The following SDK1 variants were observed in gnomAD, a reference collection of about 807,000 sequenced individuals.
The protein encoded by SDK1 is protein sidekick-1.
A neutral mutation model predicts 245.5 loss-of-function variants in SDK1; 157 were observed. The ratio of observed to expected loss-of-function variants is 0.64; its 90% CI spans 0.56 to 0.73. SDK1 has a LOEUF of 0.73. Among genes scored for constraint, SDK1 ranks in the 30% least tolerant of loss-of-function variants. SDK1 has a pLI of 0.00. For synonymous variants in SDK1, 1,647 were observed against 1,278.5 expected (o/e 1.29, Z -6.15); for missense variants, 3,583 against 3,002.3 (o/e 1.19, Z -4.52).
At chr7:3,898,004 C>T (rs1335180301) in intron 5 of SDK1, among the ~76,000 whole-genome samples, 2 of 152,036 alleles carry the variant, frequency 1.3e-5, no homozygotes, top group Non-Finnish European at 2.9e-5. Flanking sequence ...GCACAGTACA[C>T]TGACCCAGGA....
At chr7:3,478,201 C>T (rs1032533313) in intron 1 of SDK1, among the ~76,000 whole-genome samples, 4 of 152,004 alleles carry the variant, frequency 2.6e-5, no homozygotes, top group Non-Finnish European at 4.4e-5. Flanking sequence ...GCCATTACCT[C>T]CCCTTTATTC....
At chr7:3,699,395 G>C (rs557538051) in intron 4 of SDK1, among the ~76,000 whole-genome samples, 1 of 152,138 alleles carries the variant, frequency 6.6e-6, no homozygotes, top group South Asian at 2.1e-4. Flanking sequence ...AGAAAAAAGA[G>C]GCCATTTCAT....
chr7:3,376,278 T>A (rs546220455), intron 1 of SDK1, among the ~76,000 whole-genome samples: 1 of 152,158 alleles, frequency 6.6e-6, no homozygotes, highest in Admixed American at 6.5e-5. Context: ...GCCTGAAAAA[T>A]TTTAAACTTT....
chr7:3,428,598 G>C (rs919392844), intron 1 of SDK1, among the ~76,000 whole-genome samples: 1 of 152,142 alleles, frequency 6.6e-6, no homozygotes, highest in Admixed American at 6.5e-5. Context: ...AAAATTATTA[G>C]CATGTGTATT....
intron 1 of SDK1, among the ~76,000 whole-genome samples, chr7:3,457,924 T>A (rs1233253545): frequency 6.6e-6 from 1 of 152,238 alleles, no homozygotes; most frequent in Non-Finnish European, 1.5e-5. Flanking sequence ...ACACTTTTGA[T>A]CTTTGGAAAT....
At chr7:3,935,059 C>G (rs561418846) in intron 5 of SDK1, among the ~76,000 whole-genome samples, 11 of 152,196 alleles carry the variant, frequency 7.2e-5, no homozygotes, top group Non-Finnish European at 1.6e-4. Context: ...GTCTGTCTGC[C>G]TCACCTTTGT....
rs1583253219 is a variant in SDK1, at chr7:3,635,565, C to A, written c.459-3439C>A. Among the ~76,000 whole-genome samples the A allele has an allele frequency of 2.0e-5, 3 of 152,266 alleles. No homozygotes were observed. In the South Asian group the frequency reaches 6.2e-4, roughly 32 times the overall value. The stretch of plus-strand genomic sequence containing the variant: ...CTTTTACTCGATTTTGAAAAAGTTT[C>A]TCTGGTTATACTTTGTAAAAGGAAA... On this transcript the variant is annotated intron_variant, in intron 2 of 44. Coordinates refer to ENST00000404826, the MANE Select transcript of SDK1 (RefSeq NM_152744.4).
chr7:3,402,088 T>C (rs575508056), intron 1 of SDK1, among the ~76,000 whole-genome samples: 1 of 152,298 alleles, frequency 6.6e-6, no homozygotes, highest in South Asian at 2.1e-4. Flanking sequence ...GAGGTTTAGC[T>C]TTTATGTGAC....
intron 8 of SDK1, among the ~76,000 whole-genome samples, chr7:3,959,258 C>T (rs1428510265): frequency 6.6e-6 from 1 of 151,966 alleles, no homozygotes; most frequent in Non-Finnish European, 1.5e-5. Flanking sequence ...AAAAGGAAGC[C>T]CACATCTACC....
intron 4 of SDK1, among the ~76,000 whole-genome samples, chr7:3,695,868 T>C (rs1194111843): frequency 1.3e-5 from 2 of 152,224 alleles, no homozygotes; most frequent in South Asian, 2.1e-4. Flanking sequence ...AATTACCTTA[T>C]TTCATTCTGC....
chr7:4,002,532 G>T (rs1785148478), intron 14 of SDK1, among the ~76,000 whole-genome samples: 1 of 149,466 alleles, frequency 6.7e-6, no homozygotes, highest in African/African-American at 2.5e-5. Flanking sequence ...CAATGAGAAT[G>T]GTTTAAAAAA....
At chr7:3,621,843 A>G (rs1359710955) in intron 2 of SDK1, among the ~76,000 whole-genome samples, 1 of 152,216 alleles carries the variant, frequency 6.6e-6, no homozygotes, top group East Asian at 1.9e-4. Context: ...TATTATTTGC[A>G]AATCGTTGAA....
intron 44 of SDK1, among the ~76,000 whole-genome samples, chr7:4,255,030 A>G (rs1205312821): frequency 6.6e-6 from 1 of 152,152 alleles, no homozygotes; most frequent in East Asian, 1.9e-4. Context: ...ATTGCTCCTC[A>G]CTTTCTGATC....
chr7:4,159,683 C>T (rs1208607943), intron 31 of SDK1, among the ~76,000 whole-genome samples: 2 of 152,126 alleles, frequency 1.3e-5, no homozygotes, highest in Non-Finnish European at 2.9e-5. Flanking sequence ...CCGGGCTGAG[C>T]CCCAGGAGCT....
At chr7:4,162,366 G>A (rs60223299) in intron 32 of SDK1, among the ~76,000 whole-genome samples, 1,221 of 108,798 alleles carry the variant, frequency 0.011, 15 homozygotes, top group African/African-American at 0.041. Flanking sequence ...GGTTGTTGTT[G>A]TTGTTATTAT....
Position 4,129,978 on chromosome 7 carries a change from C to A in SDK1, c.4010C>A (p.Ser1337Ter). The A allele has an allele frequency of 6.2e-7, 1 of 1,613,794 alleles. No individual in the cohort carries two copies. The highest frequency in any genetic ancestry group is 8.5e-7 in the Non-Finnish European group (1 of 1,179,984). ...SHIVRGNHTQ[S>*]ALLAGLRKFV... is the part of the protein sequence containing the mutation. ...ATCGTGCGAGGGAACCACACGCAGT[C>A]GGCCCTGCTGGCAGGCCTGCGCAAG... The change falls in exon 27 of 45, where the codon TCG becomes TAG. Residue 1337 changes from serine (S) to a stop codon, truncating the protein, a stop_gained. Coordinates refer to ENST00000404826, the MANE Select transcript of SDK1 (RefSeq NM_152744.4). LOFTEE classifies it high-confidence loss of function.
At chr7:3,802,161 C>T (rs1029657487) in intron 4 of SDK1, among the ~76,000 whole-genome samples, 1 of 152,120 alleles carries the variant, frequency 6.6e-6, no homozygotes, top group African/African-American at 2.4e-5. Flanking sequence ...AGGAGATTGA[C>T]ACTAGTACAA....
intron 18 of SDK1, among the ~76,000 whole-genome samples, chr7:4,051,128 T>TATATAATATATGTATAATATATACA (rs1235600916): frequency 7.3e-6 from 1 of 137,584 alleles, no homozygotes; most frequent in East Asian, 2.1e-4. Flanking sequence ...TATATACATA[T>TATATAATATATGTATAATATATACA]TATATATAAT....
At position 3,916,309 on chromosome 7, in the gene SDK1, A is replaced by T. The variant is rs142785262; in HGVS notation, c.848-34614A>T. On this transcript the variant is annotated intron_variant, in intron 5 of 44. Coordinates refer to ENST00000404826, the MANE Select transcript of SDK1 (RefSeq NM_152744.4). ...GCTTAGTAAATCTACACTTTACATG[A>T]GTTAAAGTAAACATGTGACATCATA... Among the ~76,000 whole-genome samples the T allele has an allele frequency of 2.7e-3, 408 of 152,346 alleles. 1 individual carries two copies. The highest frequency in any genetic ancestry group is 4.0e-3 in the Non-Finnish European group (271 of 68,044).
Sources: gnomAD v4.1 joint callset for allele counts (sites outside exome capture counted in the v4.1 genomes callset) on GRCh38, gnomAD v4.1.1 for gene constraint, MANE v1.5 for transcripts, NCBI Gene and HGNC (gene_info 2026-07-23, HGNC 2026-07-21) for gene names.